ABCA12: variants seen among roughly 807,000 people sequenced by gnomAD.
ABCA12 encodes the protein glucosylceramide transporter ABCA12.
ABCA12 carries 156 observed loss-of-function variants against 293.5 expected under a neutral mutation model. The ratio of observed to expected loss-of-function variants is 0.53; its 90% CI spans 0.47 to 0.61. The LOEUF (loss-of-function observed/expected upper bound fraction) is 0.61, where lower values mean the gene tolerates loss of function less well. Ranked by LOEUF, ABCA12 falls within the 20% of genes least tolerant of loss-of-function variation. The pLI is 0.00. For synonymous variants in ABCA12, 1,063 were observed against 1,108.0 expected, an observed-to-expected ratio of 0.96 and a Z score of 0.81; for missense variants, 2,797 against 3,090.2, an observed-to-expected ratio of 0.91 and a Z score of 2.25.
At chr2:214,948,990 C>CA (rs758682532) in intron 46 of ABCA12, 50 bp downstream of exon 46, 1 of 1,455,822 alleles carries the variant, frequency 6.9e-7, no homozygotes, top group East Asian at 2.3e-5. Context: ...AATTATTTTT[C>CA]TCATTTAAGT....
chr2:215,068,954 G>A (rs1157274137), intron 2 of ABCA12, among the ~76,000 whole-genome samples: 6 of 152,122 alleles, frequency 3.9e-5, no homozygotes, highest in Non-Finnish European at 8.8e-5. Context: ...CAGGAATGAA[G>A]CTACTTCCAT....
intron 2 of ABCA12, among the ~76,000 whole-genome samples, chr2:215,077,664 T>C (rs2106090186): frequency 6.6e-6 from 1 of 152,354 alleles, no homozygotes; most frequent in East Asian, 1.9e-4. Flanking sequence ...CTCATAATCC[T>C]TCAAACTTTT....
At chr2:215,065,403 T>C (rs1034250876) in intron 2 of ABCA12, among the ~76,000 whole-genome samples, 5 of 147,224 alleles carry the variant, frequency 3.4e-5, no homozygotes, top group Admixed American at 1.4e-4. Context: ...AAAGAGAGAA[T>C]GGTAAGAGCA....
At chr2:215,102,177 G>A (rs1702371920) in intron 2 of ABCA12, among the ~76,000 whole-genome samples, 1 of 152,100 alleles carries the variant, frequency 6.6e-6, no homozygotes, top group Non-Finnish European at 1.5e-5. Context: ...TTTACAGTAT[G>A]CACACTCGTA....
intron 3 of ABCA12, among the ~76,000 whole-genome samples, chr2:215,058,362 C>G (rs1173669922): frequency 6.6e-6 from 1 of 151,940 alleles, no homozygotes; most frequent in Non-Finnish European, 1.5e-5. Flanking sequence ...AGTTGAGAAT[C>G]AAGGTTGAGA....
chr2:214,943,123 T>A (rs1698460761), intron 49 of ABCA12, 106 bp from the exon 50 acceptor site: 3 of 846,032 alleles, frequency 3.5e-6, no homozygotes, highest in Non-Finnish European at 5.8e-6. Context: ...GGAAATACTA[T>A]TTTAGTTTTT....
chr2:215,087,409 G>T (rs1371781842), intron 2 of ABCA12, among the ~76,000 whole-genome samples: 1 of 152,032 alleles, frequency 6.6e-6, no homozygotes, highest in East Asian at 1.9e-4. Context: ...TTTACTATGT[G>T]CTTGTCAACG....
chr2:215,072,109 G>C (rs1427749901), intron 2 of ABCA12, among the ~76,000 whole-genome samples: 2 of 152,128 alleles, frequency 1.3e-5, no homozygotes, highest in East Asian at 1.9e-4. Flanking sequence ...AGTGATTAAG[G>C]AGTTCCTGTA....
chr2:215,069,860 C>A (rs545154652), intron 2 of ABCA12, among the ~76,000 whole-genome samples: 43 of 152,180 alleles, frequency 2.8e-4, no homozygotes, highest in African/African-American at 1.0e-3. Flanking sequence ...TTTTAAGAGA[C>A]TGGATAAAAA....
rs1054708322 is a variant in ABCA12, at chr2:215,007,845, G to A, written c.2474C>T (p.Ser825Phe). The change falls in exon 19 of 53, where the codon TCC (serine) becomes TTC (phenylalanine). Residue 825 changes from serine (S) to phenylalanine (F), a missense_variant and splice_region_variant. Ser to Phe is a radical substitution (Grantham distance 155). Around this residue, in one of 3 missense-constraint regions of ABCA12, gnomAD observed 2,130 missense variants for 2,427.0 expected, o/e 0.88. Coordinates refer to ENST00000272895, the MANE Select transcript of ABCA12 (RefSeq NM_173076.3). ...NPVTKAIMEK[S>F]NVTLRQLAEL... ...CGCCAGCTGTCTCAGAGTTACATTG[G>A]ACTTAATGACAAAGAAACAAAAGAA... 3 of 1,613,678 alleles carry A rather than the reference G, an allele frequency of 1.9e-6. No homozygotes were observed. Among genetic ancestry groups the A allele is most frequent in the Non-Finnish European group, 2.5e-6 (3 of 1,179,880 alleles).
At chr2:215,133,531 G>A (rs970832320) in intron 1 of ABCA12, among the ~76,000 whole-genome samples, 2 of 151,802 alleles carry the variant, frequency 1.3e-5, no homozygotes, top group South Asian at 4.2e-4. Context: ...ACTCTTCCCT[G>A]TCATTAACTA....
intron 41 of ABCA12, among the ~76,000 whole-genome samples, chr2:214,957,225 C>T (rs553599221): frequency 8.5e-5 from 13 of 152,314 alleles, no homozygotes; most frequent in African/African-American, 3.1e-4. Flanking sequence ...AGCAGCAGGG[C>T]ATCAGGTCCC....
At chr2:215,028,667 T>C (rs1321596382) in intron 9 of ABCA12, among the ~76,000 whole-genome samples, 1 of 152,164 alleles carries the variant, frequency 6.6e-6, no homozygotes, top group East Asian at 1.9e-4. Flanking sequence ...ATTAGGGAAA[T>C]TTCTAAATCA....
At chr2:215,038,877 C>T (rs546006519) in intron 7 of ABCA12, 1 of 152,122 alleles carries the variant, frequency 6.6e-6, no homozygotes, top group Admixed American at 6.5e-5. Context: ...AATAATGACA[C>T]CTGGGCTTCC....
chr2:215,023,731 A>G (rs993520440), intron 11 of ABCA12: 1 of 152,212 alleles, frequency 6.6e-6, no homozygotes, highest in Non-Finnish European at 1.5e-5. Flanking sequence ...GGGGTGATGA[A>G]AGCATAATTT....
intron 8 of ABCA12, among the ~76,000 whole-genome samples, chr2:215,036,249 A>G (rs917357299): frequency 6.6e-5 from 10 of 152,236 alleles, no homozygotes; most frequent in African/African-American, 2.2e-4. Flanking sequence ...ATGAAAATTG[A>G]TATTTCAATA....
At chr2:215,018,246 G>A in intron 13 of ABCA12, 114 bp from the exon 14 acceptor site, 1 of 1,336,884 alleles carries the variant, frequency 7.5e-7, no homozygotes, top group Non-Finnish European at 1.0e-6. Flanking sequence ...CTTCTCAGGG[G>A]CAGATGTCTC....
chr2:215,134,718 G>T (rs1421080440), intron 1 of ABCA12, among the ~76,000 whole-genome samples: 2 of 148,006 alleles, frequency 1.4e-5, no homozygotes, highest in Non-Finnish European at 3.0e-5. Context: ...TTCAATCTAG[G>T]CTCACTGTAG....
intron 39 of ABCA12, among the ~76,000 whole-genome samples, chr2:214,965,152 T>C (rs779836742): frequency 8.5e-5 from 13 of 152,126 alleles, no homozygotes; most frequent in Non-Finnish European, 1.6e-4. Context: ...TAATAAATGA[T>C]GCTGGGAGAA....
Sources: allele counts gnomAD v4.1 joint callset (sites outside exome capture counted in the v4.1 genomes callset), GRCh38; gene constraint gnomAD v4.1.1; regional missense constraint gnomAD v4.1.1; transcripts MANE v1.5; gene names NCBI Gene and HGNC (gene_info 2026-07-23, HGNC 2026-07-21).